DEPDC5: variants seen among roughly 807,000 people sequenced by gnomAD.
The protein encoded by DEPDC5 is GATOR1 complex protein DEPDC5.
DEPDC5 carries 73 observed loss-of-function variants against 217.3 expected under a neutral mutation model. That is an observed-to-expected ratio of 0.34 (90% confidence interval 0.28 to 0.41). DEPDC5 has a LOEUF of 0.41. Among genes scored for constraint, DEPDC5 ranks in the 10% least tolerant of loss-of-function variants. The probability of loss-of-function intolerance (pLI) is 1.00; values close to 1 mark genes in which losing one functional copy is unlikely to be tolerated. For missense variants in DEPDC5, 1,675 were observed against 2,070.1 expected, an observed-to-expected ratio of 0.81 and a Z score of 3.70; for synonymous variants, 733 against 756.7, an observed-to-expected ratio of 0.97 and a Z score of 0.51.
At chr22:31,762,011 A>C (rs940640185) in intron 4 of DEPDC5, among the ~76,000 whole-genome samples, 1 of 150,738 alleles carries the variant, frequency 6.6e-6, no homozygotes, top group East Asian at 1.9e-4. Context: ...CCTGTTGCCC[A>C]GGTTGGTCTT....
chr22:31,878,298 A>G (rs2093062427), intron 37 of DEPDC5, among the ~76,000 whole-genome samples: 2 of 152,186 alleles, frequency 1.3e-5, no homozygotes, highest in Non-Finnish European at 1.5e-5. Flanking sequence ...TTGTATATCC[A>G]TTGACACTTT....
At chr22:31,798,815 A>G (rs1432261873) in intron 14 of DEPDC5, among the ~76,000 whole-genome samples, 159 bp downstream of exon 14, 5 of 152,232 alleles carry the variant, frequency 3.3e-5, no homozygotes, top group Non-Finnish European at 5.9e-5. Context: ...AAGTATATTA[A>G]GAAAGTAAAG....
intron 20 of DEPDC5, 187 bp from the exon 21 acceptor site, chr22:31,814,805 C>T (rs2088873308): frequency 4.9e-6 from 3 of 611,286 alleles, no homozygotes; most frequent in Non-Finnish European, 8.6e-6. Context: ...CATTTCCCCC[C>T]TCTCTTATAT....
chr22:31,775,264 C>CT (rs1172478409), intron 7 of DEPDC5, among the ~76,000 whole-genome samples: 1 of 151,940 alleles, frequency 6.6e-6, no homozygotes, highest in African/African-American at 2.4e-5. Flanking sequence ...ATTGCAACCT[C>CT]TGCCTCCCAG....
chr22:31,847,566 G>A (rs548250082), intron 31 of DEPDC5, among the ~76,000 whole-genome samples: 2 of 152,286 alleles, frequency 1.3e-5, no homozygotes, highest in African/African-American at 4.8e-5. Flanking sequence ...GCAGAGTGAA[G>A]GTAGGGGAAA....
Position 31,760,059 on chromosome 22 carries a change from T to C in DEPDC5, c.147-597T>C, listed in dbSNP as rs1342313553. 4.4e-5 allele frequency among the ~76,000 whole-genome samples: 6 copies of C among 137,910 alleles called. No homozygotes were observed. The East Asian group carries it at 1.2e-3, about 28-fold the overall frequency. The allele number at this position is 137,910 out of a possible 152,430, so 90.5% of individuals were successfully genotyped here. A position where few individuals can be genotyped will look rare whatever the true frequency, so the allele number is the denominator to read the frequency against. On this transcript the variant is annotated intron_variant, in intron 3 of 42. Coordinates refer to ENST00000651528, the MANE Select transcript of DEPDC5 (RefSeq NM_001242896.3). Reference sequence around the variant, plus strand: ...TCCATTTCCTTTAGTGCGTATGGAGTTTCTTTGTTTCTTTTTTTTTTTTTG... The same window carrying C: ...TCCATTTCCTTTAGTGCGTATGGAGCTTCTTTGTTTCTTTTTTTTTTTTTG...
At chr22:31,805,290 C>T (rs2087377731) in intron 17 of DEPDC5, among the ~76,000 whole-genome samples, 1 of 152,146 alleles carries the variant, frequency 6.6e-6, no homozygotes, top group Non-Finnish European at 1.5e-5. Context: ...TGGCTTTTCT[C>T]ATCCCTCTGC....
In DEPDC5 at chr22:31,805,998, G is replaced by C. The variant is rs916579444; in HGVS notation, c.1218-124G>C. Reference sequence around the variant, plus strand: ...TTGTAAAAGAAGTTAAAATTGGGAAGATTAGTGAAGCTGAGAACAAAGCCC... The same window carrying C: ...TTGTAAAAGAAGTTAAAATTGGGAACATTAGTGAAGCTGAGAACAAAGCCC... On this transcript the variant is annotated intron_variant, in intron 17 of 42. Transcript: ENST00000651528. 4 of 747,830 alleles carry C rather than the reference G, an allele frequency of 5.3e-6. No individual in the cohort carries two copies. In the Admixed American group the frequency reaches 8.1e-5, roughly 15 times the overall value. The allele number at this position is 747,830 out of a possible 1,614,324, so 46.3% of individuals were successfully genotyped here.
intron 15 of DEPDC5, among the ~76,000 whole-genome samples, chr22:31,803,665 G>A (rs945344923): frequency 6.6e-6 from 1 of 151,916 alleles, no homozygotes; most frequent in Non-Finnish European, 1.5e-5. Flanking sequence ...AGAATTGCTT[G>A]AACCCAGAAG....
At chr22:31,760,802 T>A (rs1038348221) in intron 4 of DEPDC5, 100 bp downstream of exon 4, 6 of 983,216 alleles carry the variant, frequency 6.1e-6, no homozygotes, top group Non-Finnish European at 9.0e-6. Flanking sequence ...CAAGTAATTC[T>A]CTTCTTTTTT....
intron 38 of DEPDC5, among the ~76,000 whole-genome samples, chr22:31,892,452 G>T (rs1428661974): frequency 6.6e-6 from 1 of 152,228 alleles, no homozygotes; most frequent in African/African-American, 2.4e-5. Flanking sequence ...GAGAGGCCGA[G>T]GCGGGTGGAG....
chr22:31,893,821 G>A, intron 39 of DEPDC5, 70 bp downstream of exon 39: 2 of 1,403,158 alleles, frequency 1.4e-6, no homozygotes, highest in Non-Finnish European at 9.4e-7. Context: ...GCTTGATAGA[G>A]ATTCATGTCA....
chr22:31,782,709 C>T (rs996440835), intron 8 of DEPDC5, among the ~76,000 whole-genome samples: 2 of 152,166 alleles, frequency 1.3e-5, no homozygotes, highest in African/African-American at 4.8e-5. Context: ...CCATAACTTT[C>T]CTAGGTAGAT....
chr22:31,764,946 A>T lies in DEPDC5; in HGVS notation c.194-29A>T, dbSNP rs778287680. The T allele has an allele frequency of 2.5e-6, 4 of 1,569,444 alleles. No individual in the cohort carries two copies. In the South Asian group the frequency reaches 3.3e-5, roughly 13 times the overall value. On this transcript the variant is annotated intron_variant, in intron 4 of 42. Coordinates refer to ENST00000651528, the MANE Select transcript of DEPDC5 (RefSeq NM_001242896.3). ...TGGATCTGCTTTTTCAAAATATGTTATCTGAGCCAGATATTGTTTCTGTTT... is the reference window on the plus strand; with the variant it reads ...TGGATCTGCTTTTTCAAAATATGTTTTCTGAGCCAGATATTGTTTCTGTTT...
At chr22:31,862,492 G>A (rs572902030) in intron 33 of DEPDC5, among the ~76,000 whole-genome samples, 1 of 152,144 alleles carries the variant, frequency 6.6e-6, no homozygotes, top group East Asian at 1.9e-4. Context: ...TTGAACCCAG[G>A]AGGCAGAGGT....
At chr22:31,855,255 G>A (rs1300177332) in intron 31 of DEPDC5, among the ~76,000 whole-genome samples, 1 of 151,862 alleles carries the variant, frequency 6.6e-6, no homozygotes, top group Non-Finnish European at 1.5e-5. Context: ...GAGCCACTGT[G>A]CCCAGCTAAA....
At chr22:31,901,276 T>C (rs1232896444) in intron 40 of DEPDC5, among the ~76,000 whole-genome samples, 1 of 150,298 alleles carries the variant, frequency 6.7e-6, no homozygotes, top group African/African-American at 2.4e-5. Flanking sequence ...TTGGCCATAG[T>C]GGTGCATGTC....
At chr22:31,885,306 GTGTC>G (rs1329301864) in intron 38 of DEPDC5, among the ~76,000 whole-genome samples, 8 of 152,174 alleles carry the variant, frequency 5.3e-5, no homozygotes, top group African/African-American at 1.7e-4. Context: ...GCTTCCATCT[GTGTC>G]TGGTGTCCGT....
At chr22:31,773,690 G>A (rs2083558525) in intron 7 of DEPDC5, among the ~76,000 whole-genome samples, 1 of 148,722 alleles carries the variant, frequency 6.7e-6, no homozygotes, top group African/African-American at 2.6e-5. Context: ...GAAAAATAAA[G>A]TATAGTCATT....
Sources: gnomAD v4.1 joint callset for allele counts (sites outside exome capture counted in the v4.1 genomes callset) on GRCh38, gnomAD v4.1.1 for gene constraint, MANE v1.5 for transcripts, NCBI Gene and HGNC (gene_info 2026-07-23, HGNC 2026-07-21) for gene names.